The following TM7SF3 variants were observed in gnomAD, a reference collection of about 807,000 sequenced individuals.
TM7SF3 encodes the protein seven span transmembrane protein.
Under a neutral mutation model 65.5 loss-of-function variants are expected in TM7SF3, and 60 were observed. The observed-to-expected ratio is 0.92, with a 90% CI of 0.74 to 1.14. The LOEUF is 1.14. Ranked by LOEUF, TM7SF3 falls within the 50% of genes most tolerant of loss-of-function variation. TM7SF3 has a pLI of 0.00. For missense variants in TM7SF3, 623 were observed against 684.8 expected (o/e 0.91, Z 1.01); for synonymous variants, 264 against 259.6 (o/e 1.02, Z -0.16).
intron 1 of TM7SF3, among the ~76,000 whole-genome samples, chr12:27,011,138 C>T (rs1191961439): frequency 6.6e-6 from 1 of 152,046 alleles, no homozygotes; most frequent in Non-Finnish European, 1.5e-5. Flanking sequence ...GTTCAATAGC[C>T]CTAAAGGTTG....
At position 26,989,076 on chromosome 12, in the gene TM7SF3, T is replaced by C. The variant is rs181459135; in HGVS notation, c.868+1374A>G. 1.0e-3 allele frequency among the ~76,000 whole-genome samples: 157 copies of C among 152,312 alleles called. 2 individuals are homozygous for C. Among genetic ancestry groups the C allele is most frequent in the Non-Finnish European group, 1.5e-4 (10 of 68,022 alleles). ...ATACAAAATATGTGTTAATCAAGTATTTATGTAATCAATAAGGCTTCTCTG... is the reference window on the plus strand; with the variant it reads ...ATACAAAATATGTGTTAATCAAGTACTTATGTAATCAATAAGGCTTCTCTG... On this transcript the variant is annotated intron_variant, in intron 6 of 11. Transcript: ENST00000343028.
rs139024884 is a variant in TM7SF3 at position 26,994,146 on chromosome 12, G to A, written c.690+1091C>T. ...TATATTCTTCATAAAAATAATAATA[G>A]TATTAAAATGTCATATCTAATAAAG... On this transcript the variant is annotated intron_variant, in intron 5 of 11. Coordinates refer to ENST00000343028, the MANE Select transcript of TM7SF3 (RefSeq NM_016551.3). 1.1e-4 allele frequency among the ~76,000 whole-genome samples: 16 copies of A among 152,162 alleles called. No individual in the cohort carries two copies. The East Asian group carries it at 2.7e-3, about 26-fold the overall frequency.
intron 7 of TM7SF3, among the ~76,000 whole-genome samples, chr12:26,981,371 T>C (rs1030914655): frequency 1.4e-4 from 21 of 152,174 alleles, no homozygotes; most frequent in African/African-American, 4.3e-4. Flanking sequence ...CTTGTGCCTG[T>C]AGTCTCAGCT....
At chr12:26,996,956 T>C (rs1940625550) in intron 3 of TM7SF3, 94 bp from the exon 4 acceptor site, 1 of 1,324,866 alleles carries the variant, frequency 7.5e-7, no homozygotes. Context: ...TTACAAAAAC[T>C]TCCCAAATAG....
intron 1 of TM7SF3, among the ~76,000 whole-genome samples, chr12:27,010,654 T>G (rs1434054605): frequency 6.6e-6 from 1 of 152,160 alleles, no homozygotes; most frequent in African/African-American, 2.4e-5. Flanking sequence ...ACTTGCAGAG[T>G]AGGAGGAAAA....
At chr12:26,999,783 GA>G (rs369163710) in intron 2 of TM7SF3, 107 bp from the exon 3 acceptor site, 545 of 1,016,634 alleles carry the variant, frequency 5.4e-4, no homozygotes, top group South Asian at 7.6e-4. Flanking sequence ...AAAACAAATA[GA>G]AAAAAAAAAC....
chr12:26,988,274 CCA>C (rs1255053308), intron 6 of TM7SF3, among the ~76,000 whole-genome samples: 1 of 152,032 alleles, frequency 6.6e-6, no homozygotes, highest in African/African-American at 2.4e-5. Flanking sequence ...GGTGATCTTC[CCA>C]CCTTAGACTA....
intron 5 of TM7SF3, among the ~76,000 whole-genome samples, chr12:26,991,883 A>C (rs757678475): frequency 1.3e-5 from 2 of 152,180 alleles, no homozygotes; most frequent in African/African-American, 2.4e-5. Context: ...ACTTCTAAAC[A>C]CTTCACTGTG....
intron 6 of TM7SF3, chr12:26,983,507 G>A (rs183481508): frequency 2.2e-6 from 1 of 453,226 alleles, no homozygotes; most frequent in African/African-American, 2.0e-5. Context: ...ATATTTGTGA[G>A]TAACATGATG....
Position 27,014,365 on chromosome 12 carries a change from G to A in TM7SF3, c.-197C>T, listed in dbSNP as rs1175569528. The A allele has an allele frequency of 8.5e-6, 3 of 352,846 alleles. No homozygotes were observed. The highest frequency in any genetic ancestry group is 1.5e-5 in the Non-Finnish European group (3 of 199,316). The allele number at this position is 352,846 out of a possible 1,614,324, so 21.9% of individuals were successfully genotyped here. A position where few individuals can be genotyped will look rare whatever the true frequency, so the allele number is the denominator to read the frequency against. ...CGCCGAACTCCTAGCCCCAGCGAGA[G>A]GTTTCCTCTTCCGGCACCTGACCCC... On this transcript the variant is annotated 5_prime_UTR_variant, in exon 1 of 12. Coordinates refer to ENST00000343028, the MANE Select transcript of TM7SF3 (RefSeq NM_016551.3).
intron 1 of TM7SF3, among the ~76,000 whole-genome samples, chr12:27,006,165 A>T (rs1941027636): frequency 7.7e-6 from 1 of 129,364 alleles, no homozygotes; most frequent in Non-Finnish European, 1.6e-5. Flanking sequence ...TTTGAGACAG[A>T]GTCTTGCTCT....
Position 27,014,115 on chromosome 12 carries a change from C to T in TM7SF3, c.54G>A (p.Val18=). Reference sequence around the variant, plus strand: ...TCCCGAAGACCTCGGCTGCACCAGCCACCCGGTGTTCGGATGCCAGCACCG... The same window carrying T: ...TCCCGAAGACCTCGGCTGCACCAGCTACCCGGTGTTCGGATGCCAGCACCG... ...VVAVLASEHR[V]AGAAEVFGNS... The change falls in exon 1 of 12, where the codon GTG becomes GTA. Residue 18 remains valine (V), a synonymous_variant. Transcript: ENST00000343028. The T allele has an allele frequency of 5.1e-6, 8 of 1,573,046 alleles. No individual in the cohort carries two copies. The highest frequency in any genetic ancestry group is 6.0e-6 in the Non-Finnish European group (7 of 1,159,182).
At chr12:26,975,149 G>A (rs1044295873) in intron 11 of TM7SF3, among the ~76,000 whole-genome samples, 1 of 152,088 alleles carries the variant, frequency 6.6e-6, no homozygotes, top group Non-Finnish European at 1.5e-5. Context: ...ATTAAATCAG[G>A]TTGTCATTCT....
chr12:27,012,988 A>C (rs61920361), intron 1 of TM7SF3: 2 of 135,464 alleles, frequency 1.5e-5, no homozygotes, highest in South Asian at 1.3e-4. Context: ...ACAGAGCGAG[A>C]CTCCGTCAAA....
chr12:26,978,898 T>C (rs748717012), intron 9 of TM7SF3: 10 of 152,122 alleles, frequency 6.6e-5, no homozygotes, highest in Non-Finnish European at 1.5e-4. Context: ...AGTATTTTAT[T>C]TAGCACATGT....
intron 6 of TM7SF3, among the ~76,000 whole-genome samples, chr12:26,987,826 T>G (rs1051071885): frequency 6.6e-6 from 1 of 152,120 alleles, no homozygotes; most frequent in African/African-American, 2.4e-5. Flanking sequence ...GTGGAGAAAC[T>G]TGGCAAGACA....
chr12:26,988,348 G>A (rs1225665800), intron 6 of TM7SF3, among the ~76,000 whole-genome samples: 1 of 152,162 alleles, frequency 6.6e-6, no homozygotes, highest in African/African-American at 2.4e-5. Flanking sequence ...ATTTTTTGTA[G>A]AGACGGAGTT....
At chr12:27,012,248 A>G (rs1054027574) in intron 1 of TM7SF3, among the ~76,000 whole-genome samples, 1 of 152,188 alleles carries the variant, frequency 6.6e-6, no homozygotes, top group Non-Finnish European at 1.5e-5. Flanking sequence ...TCCTCTGACA[A>G]GGGAGGAAGA....
intron 8 of TM7SF3, 135 bp from the exon 9 acceptor site, chr12:26,980,071 A>AT: frequency 9.5e-7 from 1 of 1,047,756 alleles, no homozygotes; most frequent in Admixed American, 2.2e-5. Context: ...CAGTGGTGCC[A>AT]TGAAGCCAGC....
Sources: allele counts gnomAD v4.1 joint callset (sites outside exome capture counted in the v4.1 genomes callset), GRCh38; gene constraint gnomAD v4.1.1; transcripts MANE v1.5; gene names NCBI Gene and HGNC (gene_info 2026-07-23, HGNC 2026-07-21).